Variants in RYR2 observed in about 807,000 individuals in gnomAD.
RYR2 encodes the protein cardiac muscle ryanodine receptor-calcium release channel.
RYR2 carries 227 observed loss-of-function variants against 601.1 expected under a neutral mutation model. That is an observed-to-expected ratio of 0.38 (90% CI 0.34 to 0.42). The LOEUF (loss-of-function observed/expected upper bound fraction) is 0.42, where lower values mean the gene tolerates loss of function less well. RYR2 is among the 10% of genes least tolerant of loss of function. RYR2 has a pLI of 1.00. For missense variants in RYR2, 4,646 were observed against 6,156.5 expected (o/e 0.75, Z 8.21); for synonymous variants, 2,223 against 2,175.1 (o/e 1.02, Z -0.61).
chr1:237,825,204 C>T (rs1053736472), intron 101 of RYR2, among the ~76,000 whole-genome samples: 1 of 152,084 alleles, frequency 6.6e-6, no homozygotes, highest in African/African-American at 2.4e-5. Context: ...CCCGCATAGC[C>T]CAGACAATCC....
intron 17 of RYR2, among the ~76,000 whole-genome samples, chr1:237,479,394 C>T (rs1349433474): frequency 6.6e-6 from 1 of 152,140 alleles, no homozygotes; most frequent in African/African-American, 2.4e-5. Context: ...ATTCTATGCA[C>T]CTTTATTTGT....
Position 237,307,384 on chromosome 1 carries a change from T to C in RYR2, c.169-23494T>C, listed in dbSNP as rs570395912. 3.9e-5 allele frequency among the ~76,000 whole-genome samples: 6 copies of C among 152,332 alleles called. No individual in the cohort carries two copies. In the South Asian group the frequency reaches 8.3e-4, roughly 21 times the overall value. Reference sequence around the variant, plus strand: ...ACTAAGCACTTTGCTCAGTTGTGAATTCACAGATGTTCTTAAACTGAAAAG... The same window carrying C: ...ACTAAGCACTTTGCTCAGTTGTGAACTCACAGATGTTCTTAAACTGAAAAG... On this transcript the variant is annotated intron_variant, in intron 2 of 104. Transcript: ENST00000366574.
chr1:237,528,860 C>G (rs1369337602), intron 24 of RYR2, among the ~76,000 whole-genome samples: 1 of 151,964 alleles, frequency 6.6e-6, no homozygotes, highest in African/African-American at 2.4e-5. Context: ...TTTTACAGAT[C>G]AGCTTGGGAA....
At chr1:237,286,493 G>T (rs1691572960) in intron 2 of RYR2, among the ~76,000 whole-genome samples, 1 of 150,888 alleles carries the variant, frequency 6.6e-6, no homozygotes, top group East Asian at 2.0e-4. Context: ...TGCAGTTGTT[G>T]GATGAAATGC....
intron 80 of RYR2, chr1:237,755,065 A>G (rs757203417): frequency 5.4e-6 from 7 of 1,288,684 alleles, no homozygotes; most frequent in Admixed American, 2.3e-5. Flanking sequence ...TCGCAGCACG[A>G]TATTATCAAA....
intron 2 of RYR2, among the ~76,000 whole-genome samples, chr1:237,322,917 C>T (rs907887664): frequency 2.7e-5 from 4 of 150,082 alleles, no homozygotes; most frequent in African/African-American, 7.4e-5. Context: ...CAAAGTAATT[C>T]GTGGCTAGAG....
At chr1:237,192,495 A>C (rs1361458337) in intron 1 of RYR2, among the ~76,000 whole-genome samples, 1 of 152,212 alleles carries the variant, frequency 6.6e-6, no homozygotes, top group Non-Finnish European at 1.5e-5. Flanking sequence ...GATTACAGGC[A>C]TGAGCCACAG....
intron 83 of RYR2, 51 bp from the exon 84 acceptor site, chr1:237,760,904 G>A: frequency 8.1e-7 from 1 of 1,227,730 alleles, no homozygotes; most frequent in Non-Finnish European, 1.2e-6. Context: ...CCTGAGCAAA[G>A]AAAATGTTCT....
chr1:237,183,312 C>G (rs952638390), intron 1 of RYR2, among the ~76,000 whole-genome samples: 3 of 152,118 alleles, frequency 2.0e-5, no homozygotes, highest in African/African-American at 7.2e-5. Flanking sequence ...TAAAAAGTGA[C>G]TAGGAAAGAT....
intron 2 of RYR2, among the ~76,000 whole-genome samples, chr1:237,277,279 C>T (rs12405582): frequency 1.8e-4 from 28 of 152,270 alleles, no homozygotes; most frequent in Admixed American, 1.1e-3. Context: ...TGCACACACA[C>T]GCTTCAGTTC....
intron 17 of RYR2, among the ~76,000 whole-genome samples, chr1:237,478,451 G>A (rs539349575): frequency 7.2e-5 from 11 of 152,250 alleles, no homozygotes; most frequent in South Asian, 2.1e-4. Context: ...ACCACAGTAC[G>A]CACCTAGCAC....
At chr1:237,611,246 G>A (rs576867788) in intron 36 of RYR2, among the ~76,000 whole-genome samples, 9 of 152,214 alleles carry the variant, frequency 5.9e-5, no homozygotes, top group African/African-American at 1.4e-4. Context: ...TCACTCTTGC[G>A]TTACTTACAA....
At chr1:237,128,875 A>G (rs1395873930) in intron 1 of RYR2, among the ~76,000 whole-genome samples, 1 of 152,168 alleles carries the variant, frequency 6.6e-6, no homozygotes, top group South Asian at 2.1e-4. Context: ...TAGAGATAAC[A>G]GGAACAGAGG....
chr1:237,369,447 G>A (rs561022855), intron 5 of RYR2, 87 bp from the exon 6 acceptor site: 209 of 1,132,562 alleles, frequency 1.8e-4, no homozygotes, highest in Non-Finnish European at 2.6e-4. Context: ...ACGTTCCTTT[G>A]AGAGCAAGAG....
rs1027152381 is a variant in RYR2, at chr1:237,674,662, C to T, written c.8715-69C>T. The T allele has an allele frequency of 6.5e-6, 5 of 770,778 alleles. No individual in the cohort carries two copies. The African/African-American group carries it at 6.9e-5, about 11-fold the overall frequency. 47.7% of individuals were successfully genotyped at this position (770,778 alleles called of 1,614,324 possible). A position where few individuals can be genotyped will look rare whatever the true frequency, so the allele number is the denominator to read the frequency against. On this transcript the variant is annotated intron_variant, in intron 59 of 104. Coordinates refer to ENST00000366574, the MANE Select transcript of RYR2 (RefSeq NM_001035.3). Reference sequence around the variant, plus strand: ...ATGTATATACACATATATATATACACACACACAATTTTACCTTCTAAGAGG... The same window carrying T: ...ATGTATATACACATATATATATACATACACACAATTTTACCTTCTAAGAGG...
chr1:237,224,431 G>T (rs984324732), intron 1 of RYR2, among the ~76,000 whole-genome samples: 1 of 152,060 alleles, frequency 6.6e-6, no homozygotes, highest in Non-Finnish European at 1.5e-5. Flanking sequence ...CTGTGCAGGG[G>T]GTCTATGCCC....
chr1:237,377,769 C>T (rs1197020953), intron 8 of RYR2, among the ~76,000 whole-genome samples: 1 of 152,012 alleles, frequency 6.6e-6, no homozygotes, highest in Non-Finnish European at 1.5e-5. Flanking sequence ...TTATTTTGCA[C>T]CTGATGAAAA....
chr1:237,249,614 T>C (rs1202594561), intron 1 of RYR2, among the ~76,000 whole-genome samples: 1 of 152,192 alleles, frequency 6.6e-6, no homozygotes, highest in East Asian at 1.9e-4. Context: ...AGGTTGACCA[T>C]CTAGAAAGTG....
chr1:237,216,711 G>T (rs1683195474), intron 1 of RYR2, among the ~76,000 whole-genome samples: 1 of 151,136 alleles, frequency 6.6e-6, no homozygotes, highest in Non-Finnish European at 1.5e-5. Flanking sequence ...ACTCCAGCTT[G>T]GGCGACACGG....
Sources: allele counts gnomAD v4.1 joint callset (sites outside exome capture counted in the v4.1 genomes callset), GRCh38; gene constraint gnomAD v4.1.1; transcripts MANE v1.5; gene names NCBI Gene and HGNC (gene_info 2026-07-23, HGNC 2026-07-21).